Variants in SHF observed in about 807,000 individuals in gnomAD.
SHF encodes the protein Src homology 2 domain containing F.
SHF carries 30 observed loss-of-function variants against 42.4 expected under a neutral mutation model. That is an observed-to-expected ratio of 0.71 (90% CI 0.53 to 0.96). The LOEUF is 0.96. Ranked by LOEUF, SHF falls within the 40% of genes least tolerant of loss-of-function variation. SHF has a pLI of 0.00. For missense variants in SHF, 598 were observed against 634.0 expected, an observed-to-expected ratio of 0.94 and a Z score of 0.61; for synonymous variants, 264 against 269.9, an observed-to-expected ratio of 0.98 and a Z score of 0.21.
At chr15:45,199,196 C>G (rs1648299) in intron 1 of SHF, 1 of 1,143,856 alleles carries the variant, frequency 8.7e-7, no homozygotes, top group Non-Finnish European at 1.2e-6. Context: ...TTCCTTCCAG[C>G]CTCTCATACT....
intron 3 of SHF, among the ~76,000 whole-genome samples, chr15:45,174,682 G>A (rs137863557): frequency 6.6e-6 from 1 of 152,130 alleles, no homozygotes; most frequent in African/African-American, 2.4e-5. Flanking sequence ...ACTTGGGATG[G>A]ACAGAAGAAA....
intron 1 of SHF, among the ~76,000 whole-genome samples, chr15:45,184,395 C>G (rs149503083): frequency 6.4e-4 from 98 of 152,202 alleles, no homozygotes; most frequent in African/African-American, 2.4e-3. Context: ...CCTGTGAAAC[C>G]CTACGAGAAT....
At chr15:45,172,415 C>A in intron 4 of SHF, 97 bp from the exon 5 acceptor site, 1 of 1,309,580 alleles carries the variant, frequency 7.6e-7, no homozygotes, top group Non-Finnish European at 1.0e-6. Flanking sequence ...TCTTCCAGCC[C>A]CAGAAAGGAT....
chr15:45,200,225 C>A (rs979370491), intron 1 of SHF: 2 of 158,104 alleles, frequency 1.3e-5, no homozygotes, highest in Admixed American at 1.2e-4. Context: ...TTCAAGAACG[C>A]GCCCAGGCTC....
intron 2 of SHF, among the ~76,000 whole-genome samples, chr15:45,196,900 C>CAAA (rs71114317): frequency 2.3e-5 from 2 of 87,766 alleles, no homozygotes; most frequent in African/African-American, 5.0e-5. Flanking sequence ...GACTCCGTCT[C>CAAA]AAAAAAAAAA....
At chr15:45,192,167 T>C (rs1898724793), upstream of SHF, among the ~76,000 whole-genome samples, 1 of 151,950 alleles carries the variant, frequency 6.6e-6, no homozygotes, top group African/African-American at 2.4e-5. Context: ...GGAAATTTAA[T>C]ATTTATTTAA....
intron 1 of SHF, chr15:45,199,229 C>G: frequency 1.2e-6 from 1 of 852,970 alleles, no homozygotes; most frequent in Non-Finnish European, 1.7e-6. Context: ...CTGACTCCTC[C>G]TGACTCCTCC....
At chr15:45,168,778 T>C (rs999034538) in intron 6 of SHF, among the ~76,000 whole-genome samples, 2 of 152,184 alleles carry the variant, frequency 1.3e-5, no homozygotes, top group African/African-American at 2.4e-5. Context: ...CCCTTCAGCC[T>C]ACAATGACTT....
upstream of SHF, among the ~76,000 whole-genome samples, chr15:45,188,966 G>C (rs1898615464): frequency 6.6e-6 from 1 of 152,144 alleles, no homozygotes; most frequent in African/African-American, 2.4e-5. Context: ...GCCGAAACGG[G>C]AGGATCACGA....
intron 1 of SHF, chr15:45,180,967 T>A (rs1898093868): frequency 6.6e-6 from 1 of 152,192 alleles, no homozygotes; most frequent in Admixed American, 6.5e-5. Flanking sequence ...TCTTTCCAAG[T>A]GAAGCTGTGT....
chr15:45,178,348 G>C (rs774845022), intron 1 of SHF, 42 bp from the exon 2 acceptor site: 2 of 1,592,770 alleles, frequency 1.3e-6, no homozygotes, highest in African/African-American at 2.7e-5. Context: ...AGGGAGCAGA[G>C]AGGCAACTCT....
intron 3 of SHF, chr15:45,174,368 C>T (rs1196948901): frequency 3.2e-5 from 5 of 155,374 alleles, no homozygotes; most frequent in Non-Finnish European, 1.4e-5. Context: ...AAGGAGACTT[C>T]TGGAGATAAA....
chr15:45,174,564 A>G (rs923100530), intron 3 of SHF: 6 of 152,252 alleles, frequency 3.9e-5, no homozygotes, highest in African/African-American at 1.4e-4. Flanking sequence ...TGAGCCCTTT[A>G]TGTTCTCCCT....
intron 2 of SHF, among the ~76,000 whole-genome samples, chr15:45,176,213 AC>A (rs543166747): frequency 5.6e-4 from 85 of 152,112 alleles, no homozygotes; most frequent in Non-Finnish European, 1.0e-3. Flanking sequence ...TCGACAAGTT[AC>A]GTTCATCATC....
At chr15:45,182,755 C>T (rs891625042) in intron 1 of SHF, among the ~76,000 whole-genome samples, 1 of 152,198 alleles carries the variant, frequency 6.6e-6, no homozygotes. Context: ...CCCTTTGTCA[C>T]TGAAAACCTA....
chr15:45,173,809 C>T lies in SHF; in HGVS notation c.848-93G>A. 4 of 1,385,078 alleles carry T rather than the reference C, an allele frequency of 2.9e-6. 1 individual carries two copies. The South Asian group carries it at 5.0e-5, about 17-fold the overall frequency. The allele number at this position is 1,385,078 out of a possible 1,614,324, so 85.8% of individuals were successfully genotyped here. A position where few individuals can be genotyped will look rare whatever the true frequency, so the allele number is the denominator to read the frequency against. On this transcript the variant is annotated intron_variant, in intron 3 of 6. Coordinates refer to ENST00000690270, the MANE Select transcript of SHF (RefSeq NM_001394037.1). ...GACACCAAAACCCAGAGCCAGGACACAGGACAGCCTAGAAATGAGGAGGGG... is the reference window on the plus strand; with the variant it reads ...GACACCAAAACCCAGAGCCAGGACATAGGACAGCCTAGAAATGAGGAGGGG...
intron 1 of SHF, chr15:45,200,481 C>T (rs1391062134): frequency 1.2e-5 from 4 of 343,658 alleles, no homozygotes; most frequent in African/African-American, 6.4e-5. Flanking sequence ...TATACGATCA[C>T]GGCGAGCTAC....
intron 2 of SHF, among the ~76,000 whole-genome samples, chr15:45,193,607 AG>A (rs1196481086): frequency 9.2e-5 from 14 of 152,180 alleles, no homozygotes; most frequent in African/African-American, 2.9e-4. Context: ...TGAGCCTCAG[AG>A]GGATGATTGA....
At chr15:45,196,247 C>G (rs1346581016) in intron 2 of SHF, among the ~76,000 whole-genome samples, 1 of 152,090 alleles carries the variant, frequency 6.6e-6, no homozygotes, top group Non-Finnish European at 1.5e-5. Context: ...GGGCATGCCA[C>G]CACACCTGGC....
Sources: allele counts gnomAD v4.1 joint callset (sites outside exome capture counted in the v4.1 genomes callset), GRCh38; gene constraint gnomAD v4.1.1; transcripts MANE v1.5; gene names NCBI Gene and HGNC (gene_info 2026-07-23, HGNC 2026-07-21).